Variants in SDK2 observed in about 807,000 individuals in gnomAD.
SDK2 encodes the protein protein sidekick-2.
SDK2 carries 105 observed loss-of-function variants against 253.9 expected under a neutral mutation model. The observed-to-expected ratio is 0.41, with a 90% CI of 0.35 to 0.49. The LOEUF is 0.49. Ranked by LOEUF, SDK2 falls within the 20% of genes least tolerant of loss-of-function variation. SDK2 has a pLI of 0.06. For synonymous variants in SDK2, 1,249 were observed against 1,234.9 expected (o/e 1.01, Z -0.24); for missense variants, 2,608 against 3,003.0 (o/e 0.87, Z 3.07).
intron 1 of SDK2, among the ~76,000 whole-genome samples, chr17:73,596,014 G>T (rs2045753123): frequency 6.6e-6 from 1 of 151,510 alleles, no homozygotes; most frequent in Admixed American, 6.7e-5. Flanking sequence ...ATACAGTGAG[G>T]CCTCGGCACT....
Position 73,395,305 on chromosome 17 carries a change from G to GCGTCTTGC in SDK2, c.3434_3441dup (p.Leu1148AlafsTer4). 6.2e-7 allele frequency: 1 copy of GCGTCTTGC among 1,614,002 alleles called. No individual in the cohort carries two copies. Among genetic ancestry groups the GCGTCTTGC allele is most frequent in the Non-Finnish European group, 8.5e-7 (1 of 1,179,892 alleles). The stretch of plus-strand genomic sequence containing the variant: ...ACACGGTCCTGCACCACGTGGCTCA[G>GCGTCTTGC]CGTCTTGCCATGCCCGTCTGACCGG... On this transcript the variant is annotated frameshift_variant, in exon 25 of 45. Coordinates refer to ENST00000392650, the MANE Select transcript of SDK2 (RefSeq NM_001144952.2). LOFTEE classifies it high-confidence loss of function. This position sits in a 1 kb window ranked among gnomAD's most constrained non-coding sequence, Gnocchi z 4.3.
At position 73,503,453 on chromosome 17, in the gene SDK2, C is replaced by A. The variant is rs536409828; in HGVS notation, c.224+3985G>T. 2.0e-5 allele frequency among the ~76,000 whole-genome samples: 3 copies of A among 152,236 alleles called. No homozygotes were observed. In the South Asian group the frequency reaches 6.2e-4, roughly 32 times the overall value. ...CTTGAATAGTTCAGCAGAAAACGTG[C>A]ATGTTTATACGTGTGTAGGGAGACA... is the stretch of plus-strand genomic sequence containing the variant. On this transcript the variant is annotated intron_variant, in intron 2 of 44. Coordinates refer to ENST00000392650, the MANE Select transcript of SDK2 (RefSeq NM_001144952.2).
intron 2 of SDK2, among the ~76,000 whole-genome samples, chr17:73,488,842 C>T (rs1213923335): frequency 6.6e-6 from 1 of 151,954 alleles, no homozygotes; most frequent in Admixed American, 6.6e-5. Flanking sequence ...GTTGCTGCCC[C>T]CACTCCATTT....
Position 73,387,874 on chromosome 17 carries a change from G to A in SDK2, c.4356C>T (p.Ala1452=). Residue 1452 remains alanine, a synonymous_variant, in exon 30 of 45, where the codon GCC becomes GCT. Coordinates refer to ENST00000392650, the MANE Select transcript of SDK2 (RefSeq NM_001144952.2). ...LPSGRWALHS[A]SVSHNASSFI... is the part of the protein sequence containing the mutation. ...AGCTGGAGGCATTGTGGCTCACGGA[G>A]GCCGAGTGCAGTGCCCACCTGCCGC... 1 of 1,587,842 alleles carries A rather than the reference G, an allele frequency of 6.3e-7. No individual in the cohort carries two copies. Among genetic ancestry groups the A allele is most frequent in the East Asian group, 2.3e-5 (1 of 43,330 alleles).
chr17:73,567,579 C>T (rs538157666), intron 1 of SDK2, among the ~76,000 whole-genome samples: 1 of 152,370 alleles, frequency 6.6e-6, no homozygotes, highest in South Asian at 2.1e-4. Context: ...TGAACAGGCA[C>T]CAGACTCCAA....
chr17:73,555,821 G>A (rs575383789), intron 1 of SDK2, among the ~76,000 whole-genome samples: 5 of 152,300 alleles, frequency 3.3e-5, no homozygotes, highest in South Asian at 4.1e-4. Context: ...AAGCAAACAC[G>A]GGACTGAAAT....
intron 1 of SDK2, among the ~76,000 whole-genome samples, chr17:73,552,926 G>C (rs2045084803): frequency 6.6e-6 from 1 of 152,256 alleles, no homozygotes; most frequent in African/African-American, 2.4e-5. Flanking sequence ...GGGATGAACT[G>C]TTTGGAGAGG....
intron 5 of SDK2, among the ~76,000 whole-genome samples, chr17:73,446,630 C>T (rs901184950): frequency 6.6e-6 from 1 of 152,202 alleles, no homozygotes; most frequent in Non-Finnish European, 1.5e-5. Context: ...GGCTGGTCCA[C>T]ACCCTCATCT....
Position 73,631,592 on chromosome 17 carries a change from G to A in SDK2, c.64+12433C>T, listed in dbSNP as rs753049548. On this transcript the variant is annotated intron_variant, in intron 1 of 44. Coordinates refer to ENST00000392650, the MANE Select transcript of SDK2 (RefSeq NM_001144952.2). ...TGGGCTGCCAGCCAGGAACCCCGGG[G>A]AACTGGGTAAGCAGGCGGGCTGCTG... Among the ~76,000 whole-genome samples, 53 of 152,236 alleles carry A rather than the reference G, an allele frequency of 3.5e-4. 1 individual carries two copies. The highest frequency in any genetic ancestry group is 5.9e-4 in the Non-Finnish European group (40 of 68,050).
Position 73,541,228 on chromosome 17 carries a change from C to G in SDK2, c.65-33631G>C, listed in dbSNP as rs758361913. Among the ~76,000 whole-genome samples, 1 of 152,134 alleles carries G rather than the reference C, an allele frequency of 6.6e-6. No individual in the cohort carries two copies. Among genetic ancestry groups the G allele is most frequent in the Non-Finnish European group, 1.5e-5 (1 of 68,024 alleles). On this transcript the variant is annotated intron_variant, in intron 1 of 44. Coordinates refer to ENST00000392650, the MANE Select transcript of SDK2 (RefSeq NM_001144952.2). The surrounding 1 kb of genome is among the most constrained non-coding windows in gnomAD (Gnocchi z 4.3). ...TGGGGCAGCAGTGAAGGGAGGTGCC[C>G]GGGGGGCTGCAGGGGATGGGCTGCA... is the stretch of plus-strand genomic sequence containing the variant.
intron 1 of SDK2, among the ~76,000 whole-genome samples, chr17:73,525,882 C>A (rs2064121629): frequency 6.6e-6 from 1 of 152,232 alleles, no homozygotes; most frequent in Admixed American, 6.5e-5. Flanking sequence ...TCAATTCATT[C>A]ATTCAGCAAA....
In SDK2 at chr17:73,401,290, T is replaced by A. The variant is rs1426981262; in HGVS notation, c.2780-79A>T. 3 of 1,307,664 alleles carry A rather than the reference T, an allele frequency of 2.3e-6. No homozygotes were observed. The African/African-American group carries it at 4.4e-5, about 19-fold the overall frequency. The allele number at this position is 1,307,664 out of a possible 1,614,324, so 81.0% of individuals were successfully genotyped here. ...GACCCACTACTCCACTTCTCACTTC[T>A]CCACTAGGCTGGCAATTAGATCCAC... On this transcript the variant is annotated intron_variant, in intron 20 of 44. Coordinates refer to ENST00000392650, the MANE Select transcript of SDK2 (RefSeq NM_001144952.2).
At chr17:73,342,673 C>T (rs368529340) in intron 44 of SDK2, among the ~76,000 whole-genome samples, 2 of 152,160 alleles carry the variant, frequency 1.3e-5, no homozygotes, top group African/African-American at 4.8e-5. Flanking sequence ...AGGAAGGAAC[C>T]CCTGGGTGAC....
At position 73,352,252 on chromosome 17, in the gene SDK2, G is replaced by C. The variant is rs1172859921; in HGVS notation, c.5758+221C>G. ...AGGGCTTCTGGAGTTCCTTGAAAGG[G>C]AGCCCCAAAGATGAAGATCCCTAGT... On this transcript the variant is annotated intron_variant, in intron 41 of 44. Coordinates refer to ENST00000392650, the MANE Select transcript of SDK2 (RefSeq NM_001144952.2). The surrounding 1 kb of genome is among the most constrained non-coding windows in gnomAD (Gnocchi z 4.1). Among the ~76,000 whole-genome samples, 1 of 152,144 alleles carries C rather than the reference G, an allele frequency of 6.6e-6. No homozygotes were observed. Among genetic ancestry groups the C allele is most frequent in the Non-Finnish European group, 1.5e-5 (1 of 68,018 alleles).
chr17:73,511,337 T>G lies in SDK2; in HGVS notation c.65-3740A>C, dbSNP rs1270930661. 6.6e-6 allele frequency among the ~76,000 whole-genome samples: 1 copy of G among 152,208 alleles called. No individual in the cohort carries two copies. Among genetic ancestry groups the G allele is most frequent in the Non-Finnish European group, 1.5e-5 (1 of 68,030 alleles). The stretch of plus-strand genomic sequence containing the variant: ...CTGCATGCACACATGTGCATATGTG[T>G]GAGCACACACACACGCGCGAGCACG... On this transcript the variant is annotated intron_variant, in intron 1 of 44. Coordinates refer to ENST00000392650, the MANE Select transcript of SDK2 (RefSeq NM_001144952.2). The surrounding 1 kb of genome is among the most constrained non-coding windows in gnomAD (Gnocchi z 4.9).
intron 15 of SDK2, among the ~76,000 whole-genome samples, chr17:73,421,141 A>G (rs1443462509): frequency 6.6e-6 from 1 of 152,174 alleles, no homozygotes; most frequent in Non-Finnish European, 1.5e-5. Flanking sequence ...ATGTCTGTTC[A>G]TTCCCTGTCC....
chr17:73,425,301 A>G (rs2063271945), intron 12 of SDK2, among the ~76,000 whole-genome samples: 1 of 152,248 alleles, frequency 6.6e-6, no homozygotes, highest in African/African-American at 2.4e-5. Context: ...AAATAAAAAA[A>G]GAAAGGAAAA....
At position 73,338,395 on chromosome 17, in the gene SDK2, C is replaced by A. The variant is rs1053394240; in HGVS notation, c.*192G>T. The stretch of plus-strand genomic sequence containing the variant: ...CAAAGCTGAAGAGCTGCTGGCCACA[C>A]ACATCCTCTCACGGTTTTCTCCCTC... On this transcript the variant is annotated 3_prime_UTR_variant, in exon 45 of 45. Transcript: ENST00000392650. The surrounding 1 kb of genome is among the most constrained non-coding windows in gnomAD (Gnocchi z 5.0). 2 of 696,402 alleles carry A rather than the reference C, an allele frequency of 2.9e-6. No homozygotes were observed. The highest frequency in any genetic ancestry group is 1.7e-5 in the African/African-American group (1 of 57,270). 43.1% of individuals were successfully genotyped at this position (696,402 alleles called of 1,614,324 possible). A position where few individuals can be genotyped will look rare whatever the true frequency, so the allele number is the denominator to read the frequency against.
At chr17:73,505,396 G>C (rs1450829841) in intron 2 of SDK2, among the ~76,000 whole-genome samples, 4 of 152,250 alleles carry the variant, frequency 2.6e-5, no homozygotes, top group African/African-American at 9.6e-5. Context: ...GATTAAATGA[G>C]ATAATCGCAG....
Sources: gnomAD v4.1 joint callset for allele counts (sites outside exome capture counted in the v4.1 genomes callset) on GRCh38, gnomAD v4.1.1 for gene constraint, Gnocchi (gnomAD v3.1) non-coding constraint, MANE v1.5 for transcripts, NCBI Gene and HGNC (gene_info 2026-07-23, HGNC 2026-07-21) for gene names.